MTUS2: variants seen among roughly 807,000 people sequenced by gnomAD.
MTUS2 encodes the protein microtubule associated scaffold protein 2.
A neutral mutation model predicts 114.1 loss-of-function variants in MTUS2; 40 were observed. The observed-to-expected ratio is 0.35, with a 90% CI of 0.27 to 0.46. MTUS2 has a LOEUF of 0.46. Among genes scored for constraint, MTUS2 ranks in the 20% least tolerant of loss-of-function variants. MTUS2 has a pLI of 1.00. For synonymous variants in MTUS2, 688 were observed against 672.0 expected (o/e 1.02, Z -0.37); for missense variants, 1,679 against 1,705.4 (o/e 0.98, Z 0.27).
intron 2 of MTUS2, among the ~76,000 whole-genome samples, chr13:28,979,907 T>G (rs1398410473): frequency 6.6e-6 from 1 of 152,226 alleles, no homozygotes; most frequent in African/African-American, 2.4e-5. Context: ...TTAAAATGAT[T>G]CAAGTTATCA....
chr13:29,097,609 C>T (rs570037141), intron 4 of MTUS2, among the ~76,000 whole-genome samples: 9 of 152,152 alleles, frequency 5.9e-5, no homozygotes, highest in African/African-American at 9.7e-5. Context: ...GACAGTGTAG[C>T]GTATAAAAAC....
chr13:28,850,818 T>C (rs1876220792), intron 2 of MTUS2, among the ~76,000 whole-genome samples: 1 of 152,208 alleles, frequency 6.6e-6, no homozygotes, highest in African/African-American at 2.4e-5. Flanking sequence ...TTATTATACC[T>C]GTTCTTATTA....
chr13:29,019,542 G>T (rs1271465003), intron 2 of MTUS2, among the ~76,000 whole-genome samples: 1 of 152,220 alleles, frequency 6.6e-6, no homozygotes, highest in Non-Finnish European at 1.5e-5. Context: ...GGTGATGTTT[G>T]AGAAGTATAT....
At chr13:29,162,762 TC>T (rs1248909821) in intron 5 of MTUS2, among the ~76,000 whole-genome samples, 2 of 152,256 alleles carry the variant, frequency 1.3e-5, no homozygotes, top group African/African-American at 4.8e-5. Context: ...CAAAGCACTT[TC>T]AGTGACTGCT....
At chr13:29,435,193 T>C (rs936123901) in intron 8 of MTUS2, among the ~76,000 whole-genome samples, 1 of 152,200 alleles carries the variant, frequency 6.6e-6, no homozygotes, top group African/African-American at 2.4e-5. Flanking sequence ...CAGTTTCCAG[T>C]GAAGCCTGTC....
intron 8 of MTUS2, among the ~76,000 whole-genome samples, chr13:29,426,269 T>C (rs545667595): frequency 6.6e-6 from 1 of 152,390 alleles, no homozygotes; most frequent in East Asian, 1.9e-4. Flanking sequence ...TATTGTTAAG[T>C]ACACATGATC....
chr13:29,144,000 G>A (rs770181906), intron 5 of MTUS2, among the ~76,000 whole-genome samples: 2 of 152,172 alleles, frequency 1.3e-5, no homozygotes, highest in East Asian at 1.9e-4. Context: ...TCATTCATTT[G>A]CTGGACTCTA....
At chr13:28,881,963 G>C (rs1324293446) in intron 2 of MTUS2, among the ~76,000 whole-genome samples, 1 of 152,200 alleles carries the variant, frequency 6.6e-6, no homozygotes, top group African/African-American at 2.4e-5. Context: ...AATGGAGAAA[G>C]GATAATCTTT....
chr13:29,485,587 C>T (rs1484046499), intron 10 of MTUS2, among the ~76,000 whole-genome samples: 1 of 152,130 alleles, frequency 6.6e-6, no homozygotes, highest in African/African-American at 2.4e-5. Flanking sequence ...TTCATAAAAG[C>T]ACCTCGGAAA....
chr13:29,093,699 A>G (rs981551316), intron 4 of MTUS2, among the ~76,000 whole-genome samples: 3 of 152,212 alleles, frequency 2.0e-5, no homozygotes, highest in African/African-American at 7.2e-5. Flanking sequence ...TGTCATCTGC[A>G]AAGAGAAAGT....
rs1478568022 is a variant in MTUS2, at chr13:29,061,606, G to GTA, written c.2446+27483_2446+27484dup. Among the ~76,000 whole-genome samples, 218 of 130,204 alleles carry GTA rather than the reference G, an allele frequency of 1.7e-3. 1 individual carries two copies. Among genetic ancestry groups the GTA allele is most frequent in the African/African-American group, 6.0e-3 (210 of 35,148 alleles). The allele number at this position is 130,204 out of a possible 152,430, so 85.4% of individuals were successfully genotyped here. A position where few individuals can be genotyped will look rare whatever the true frequency, so the allele number is the denominator to read the frequency against. On this transcript the variant is annotated intron_variant, in intron 4 of 15. Coordinates refer to ENST00000612955, the MANE Select transcript of MTUS2 (RefSeq NM_001033602.4). ...CCTTGACCTCCCCAAACTTTGGTCT[G>GTA]TATCTTCAACTTACCATGATGGACA...
Position 28,837,824 on chromosome 13 carries a change from T to C in MTUS2, c.-315-1954T>C, listed in dbSNP as rs965199066. Among the ~76,000 whole-genome samples the C allele has an allele frequency of 2.6e-5, 4 of 152,190 alleles. 1 individual carries two copies. Among genetic ancestry groups the C allele is most frequent in the Admixed American group, 2.0e-4 (3 of 15,286 alleles). On this transcript the variant is annotated intron_variant, in intron 1 of 15. Transcript: ENST00000612955. ...TCATTGGTACATTTACCTTCAACCC[T>C]GTAGTGGTCCACAGTAGATCCAAAT...
At chr13:29,035,109 A>G (rs1020766670) in intron 4 of MTUS2, among the ~76,000 whole-genome samples, 1 of 152,202 alleles carries the variant, frequency 6.6e-6, no homozygotes, top group African/African-American at 2.4e-5. Context: ...CATTTTTGTA[A>G]TAAGGGTGTC....
At chr13:29,315,758 T>C (rs1207588737) in intron 6 of MTUS2, among the ~76,000 whole-genome samples, 1 of 152,144 alleles carries the variant, frequency 6.6e-6, no homozygotes, top group East Asian at 1.9e-4. Flanking sequence ...AACTTTAGGT[T>C]GAATAATAAG....
intron 8 of MTUS2, among the ~76,000 whole-genome samples, chr13:29,396,319 T>G (rs1873913004): frequency 6.6e-6 from 1 of 152,180 alleles, no homozygotes. Context: ...TTTCTGGCAT[T>G]TAAATATGTA....
rs76271427 is a variant in MTUS2 at position 29,371,228 on chromosome 13, C to A, written c.3117+11755C>A. 7.2e-4 allele frequency among the ~76,000 whole-genome samples: 107 copies of A among 147,834 alleles called. 1 individual carries two copies. The highest frequency in any genetic ancestry group is 2.5e-3 in the African/African-American group (99 of 38,998). On this transcript the variant is annotated intron_variant, in intron 8 of 15. Transcript: ENST00000612955. ...ATCTTCACATTAACCACCCCCCCCCCCTTTTTTGAGATGGAGTCTCGCTCT... is the reference window on the plus strand; with the variant it reads ...ATCTTCACATTAACCACCCCCCCCCACTTTTTTGAGATGGAGTCTCGCTCT...
intron 6 of MTUS2, among the ~76,000 whole-genome samples, chr13:29,314,446 G>A (rs999843808): frequency 1.3e-5 from 2 of 152,166 alleles, no homozygotes; most frequent in Admixed American, 1.3e-4. Flanking sequence ...TTTAAACAAG[G>A]TGAACTGAAT....
At chr13:28,892,267 G>A (rs1329558978) in intron 2 of MTUS2, among the ~76,000 whole-genome samples, 2 of 152,122 alleles carry the variant, frequency 1.3e-5, no homozygotes, top group Non-Finnish European at 2.9e-5. Flanking sequence ...ACATGTGTGC[G>A]GGTGGCGCTT....
intron 5 of MTUS2, among the ~76,000 whole-genome samples, chr13:29,133,665 T>TA (rs1426171467): frequency 6.6e-6 from 1 of 152,198 alleles, no homozygotes; most frequent in Non-Finnish European, 1.5e-5. Flanking sequence ...ACCATAAATG[T>TA]AAGGGTTTAC....
Sources: allele counts gnomAD v4.1 joint callset (sites outside exome capture counted in the v4.1 genomes callset), GRCh38; gene constraint gnomAD v4.1.1; transcripts MANE v1.5; gene names NCBI Gene and HGNC (gene_info 2026-07-23, HGNC 2026-07-21).